The following F13A1 variants were observed in gnomAD, a reference collection of about 807,000 sequenced individuals.
F13A1 encodes the protein coagulation factor XIII A chain, also known as FSF, A subunit.
In F13A1, 47 loss-of-function variants were observed where a neutral mutation model predicts 80.1. That is an observed-to-expected ratio of 0.59 (90% CI 0.46 to 0.75). The LOEUF (loss-of-function observed/expected upper bound fraction) is 0.75, where lower values mean the gene tolerates loss of function less well. F13A1 is among the 30% of genes least tolerant of loss of function. The probability of loss-of-function intolerance (pLI) is 0.00; values close to 1 mark genes in which losing one functional copy is unlikely to be tolerated. For missense variants in F13A1, 817 were observed against 930.4 expected, an observed-to-expected ratio of 0.88 and a Z score of 1.59; for synonymous variants, 349 against 344.9, an observed-to-expected ratio of 1.01 and a Z score of -0.13.
chr6:6,282,365 C>T (rs1226761471), intron 3 of F13A1, among the ~76,000 whole-genome samples: 1 of 152,092 alleles, frequency 6.6e-6, no homozygotes, highest in African/African-American at 2.4e-5. Context: ...GCTGTTTGAA[C>T]ATTAAGTTAT....
At chr6:6,189,106 C>T (rs1246375356) in intron 10 of F13A1, among the ~76,000 whole-genome samples, 4 of 71,992 alleles carry the variant, frequency 5.6e-5, no homozygotes, top group East Asian at 5.9e-4. Flanking sequence ...TTATTTTGAG[C>T]CTATGTGTGT....
chr6:6,260,063 T>C (rs1269226214), intron 4 of F13A1, among the ~76,000 whole-genome samples: 1 of 152,204 alleles, frequency 6.6e-6, no homozygotes, highest in Admixed American at 6.5e-5. Flanking sequence ...TCACTCCTGC[T>C]GCCTTTGTGG....
At chr6:6,174,997 G>T in intron 11 of F13A1, 130 bp from the exon 12 acceptor site, 1 of 1,095,572 alleles carries the variant, frequency 9.1e-7, no homozygotes, top group Non-Finnish European at 1.4e-6. Flanking sequence ...CTCCCCAGGA[G>T]GAGGGTGCCG....
At chr6:6,152,230 AG>A (rs918210435) in intron 13 of F13A1, among the ~76,000 whole-genome samples, 1 of 152,158 alleles carries the variant, frequency 6.6e-6, no homozygotes, top group Non-Finnish European at 1.5e-5. Context: ...TGACAGCAGG[AG>A]GGGGAAGTTC....
intron 4 of F13A1, among the ~76,000 whole-genome samples, chr6:6,257,172 C>T (rs1358850599): frequency 3.3e-5 from 5 of 152,166 alleles, no homozygotes; most frequent in Non-Finnish European, 1.5e-5. Flanking sequence ...GAGGGAGTGG[C>T]TTGATCTGCA....
intron 4 of F13A1, among the ~76,000 whole-genome samples, chr6:6,262,681 C>T (rs192279999): frequency 1.3e-5 from 2 of 150,212 alleles, no homozygotes; most frequent in Non-Finnish European, 3.0e-5. Context: ...TGCTTCTCAA[C>T]ACATGACTTT....
At chr6:6,180,641 A>T (rs955099610) in intron 11 of F13A1, among the ~76,000 whole-genome samples, 1 of 152,232 alleles carries the variant, frequency 6.6e-6, no homozygotes, top group Admixed American at 6.5e-5. Flanking sequence ...AAAAATCCAA[A>T]TGACAAAAAA....
In F13A1 at chr6:6,219,954, C is replaced by G. The variant is rs372039261; in HGVS notation, c.1112+2079G>C. On this transcript the variant is annotated intron_variant, in intron 8 of 14. Transcript: ENST00000264870. The stretch of plus-strand genomic sequence containing the variant: ...CATTAGGCACCTGTTATGCTCGGCT[C>G]TGTGATGAGTGAAGCAGGGAATATT... 1.2e-4 allele frequency among the ~76,000 whole-genome samples: 18 copies of G among 152,114 alleles called. No individual in the cohort carries two copies. The East Asian group carries it at 2.1e-3, about 18-fold the overall frequency.
At chr6:6,276,447 T>C (rs563692759) in intron 3 of F13A1, among the ~76,000 whole-genome samples, 1 of 152,322 alleles carries the variant, frequency 6.6e-6, no homozygotes, top group East Asian at 1.9e-4. Context: ...CACCATGTCG[T>C]TTGTTTGGCT....
chr6:6,280,043 T>C (rs1758039702), intron 3 of F13A1, among the ~76,000 whole-genome samples: 1 of 152,202 alleles, frequency 6.6e-6, no homozygotes, highest in African/African-American at 2.4e-5. Flanking sequence ...TTGCCAGAGA[T>C]TAAAGCAATT....
chr6:6,196,117 T>C (rs1302013623), intron 9 of F13A1, among the ~76,000 whole-genome samples: 1 of 152,242 alleles, frequency 6.6e-6, no homozygotes, highest in Non-Finnish European at 1.5e-5. Flanking sequence ...CTGCATCTAC[T>C]CTGCCACCTA....
rs1757503855 is a variant in F13A1, at chr6:6,243,045, G to C, written c.798+5267C>G. Among the ~76,000 whole-genome samples the C allele has an allele frequency of 6.6e-6, 1 of 152,132 alleles. No individual in the cohort carries two copies. Among genetic ancestry groups the C allele is most frequent in the East Asian group, 1.9e-4 (1 of 5,192 alleles). Reference sequence around the variant, plus strand: ...ACAATTGTACTCCAGTGTTCAGACTGGTAGATTGCCATAAACATTTGTCAA... The same window carrying C: ...ACAATTGTACTCCAGTGTTCAGACTCGTAGATTGCCATAAACATTTGTCAA... On this transcript the variant is annotated intron_variant, in intron 6 of 14. Transcript: ENST00000264870. This position sits in a 1 kb window ranked among gnomAD's most constrained non-coding sequence, Gnocchi z 4.2.
chr6:6,220,819 C>G (rs983800414), intron 8 of F13A1, among the ~76,000 whole-genome samples: 7 of 152,150 alleles, frequency 4.6e-5, no homozygotes. Flanking sequence ...TATGGCTCAG[C>G]TCATTCCCTT....
intron 11 of F13A1, among the ~76,000 whole-genome samples, chr6:6,178,341 T>C (rs116830164): frequency 1.8e-3 from 269 of 152,298 alleles, no homozygotes; most frequent in Admixed American, 2.9e-3. Flanking sequence ...ATATTTAATT[T>C]TTAGGCTACA....
rs546987569 is a variant in F13A1 at position 6,211,831 on chromosome 6, C to T, written c.1112+10202G>A. On this transcript the variant is annotated intron_variant, in intron 8 of 14. Transcript: ENST00000264870. ...GGTTAGTGGGTGCGCGCACCATGCG[C>T]GAGCCAAAGCAGGGTGAGGCATTGC... is the stretch of plus-strand genomic sequence containing the variant. Among the ~76,000 whole-genome samples the T allele has an allele frequency of 1.5e-3, 230 of 152,290 alleles. 1 individual carries two copies. Among genetic ancestry groups the T allele is most frequent in the African/African-American group, 5.2e-3 (216 of 41,564 alleles).
intron 3 of F13A1, among the ~76,000 whole-genome samples, chr6:6,273,936 C>T (rs1757954246): frequency 2.0e-5 from 3 of 152,296 alleles, no homozygotes; most frequent in Admixed American, 6.5e-5. Context: ...GCACAGAAAT[C>T]ATGGATGATA....
chr6:6,156,154 ATCTC>A (rs1309254397), intron 13 of F13A1, among the ~76,000 whole-genome samples: 15 of 152,180 alleles, frequency 9.9e-5, no homozygotes, highest in Admixed American at 9.8e-4. Context: ...TATTGAAAAT[ATCTC>A]TCTCTGTTTT....
At chr6:6,251,564 G>T (rs760889661) in intron 4 of F13A1, among the ~76,000 whole-genome samples, 1 of 152,054 alleles carries the variant, frequency 6.6e-6, no homozygotes, top group African/African-American at 2.4e-5. Flanking sequence ...CATCCTCCCC[G>T]TCTATCATCA....
intron 5 of F13A1, among the ~76,000 whole-genome samples, chr6:6,248,854 G>C (rs867505547): frequency 6.6e-6 from 1 of 152,324 alleles, no homozygotes; most frequent in South Asian, 2.1e-4. Context: ...GAGCTCTCAG[G>C]TGTATCACAG....
Sources: allele counts gnomAD v4.1 joint callset (sites outside exome capture counted in the v4.1 genomes callset), GRCh38; gene constraint gnomAD v4.1.1; non-coding constraint Gnocchi (gnomAD v3.1); transcripts MANE v1.5; gene names NCBI Gene and HGNC (gene_info 2026-07-23, HGNC 2026-07-21).